Variants in TOGARAM1 observed in about 807,000 individuals in gnomAD.
TOGARAM1 encodes the protein TOG array regulator of axonemal microtubules 1, also known as TOG array regulator of axonemal microtubules protein 1.
In TOGARAM1, 100 loss-of-function variants were observed where a neutral mutation model predicts 166.6. The observed-to-expected ratio is 0.60, with a 90% CI of 0.51 to 0.71. The LOEUF (loss-of-function observed/expected upper bound fraction) is 0.71, where lower values mean the gene tolerates loss of function less well. Among genes scored for constraint, TOGARAM1 ranks in the 30% least tolerant of loss-of-function variants. The probability of loss-of-function intolerance (pLI) is 0.00; values close to 1 mark genes in which losing one functional copy is unlikely to be tolerated. For synonymous variants in TOGARAM1, 758 were observed against 763.8 expected (o/e 0.99, Z 0.13); for missense variants, 2,029 against 2,102.7 (o/e 0.96, Z 0.69).
intron 16 of TOGARAM1, among the ~76,000 whole-genome samples, chr14:45,058,200 T>A (rs542548057): frequency 1.2e-4 from 18 of 152,172 alleles, no homozygotes; most frequent in Non-Finnish European, 2.5e-4. Context: ...CATCCCTTCT[T>A]TGTCTTTTTT....
chr14:45,054,220 A>G (rs895650558), intron 15 of TOGARAM1, among the ~76,000 whole-genome samples: 2 of 152,156 alleles, frequency 1.3e-5, no homozygotes, highest in African/African-American at 4.8e-5. Context: ...TTACAAGTCA[A>G]TATATATTTT....
chr14:44,985,736 G>C (rs1402368529), intron 1 of TOGARAM1, among the ~76,000 whole-genome samples: 1 of 152,240 alleles, frequency 6.6e-6, no homozygotes, highest in Non-Finnish European at 1.5e-5. Flanking sequence ...ACCAGTAGCA[G>C]TCCATGGCCC....
chr14:45,051,553 C>CTTTTTTT (rs1015760925), intron 14 of TOGARAM1, among the ~76,000 whole-genome samples: 9 of 90,052 alleles, frequency 1.0e-4, no homozygotes, highest in African/African-American at 1.5e-4. Flanking sequence ...CCAACAGATG[C>CTTTTTTT]TTTTTTTTTT....
intron 14 of TOGARAM1, among the ~76,000 whole-genome samples, chr14:45,049,820 C>T (rs1164737811): frequency 6.6e-6 from 1 of 151,952 alleles, no homozygotes; most frequent in Non-Finnish European, 1.5e-5. Flanking sequence ...TTTTCTCCCT[C>T]TCTATCACCT....
At chr14:45,032,402 A>T in intron 11 of TOGARAM1, 26 bp downstream of exon 11, 1 of 1,590,596 alleles carries the variant, frequency 6.3e-7, no homozygotes, top group Non-Finnish European at 8.5e-7. Flanking sequence ...TTAACTTAAA[A>T]CTAAGCAGAG....
chr14:44,983,738 C>T (rs573959800), intron 1 of TOGARAM1, among the ~76,000 whole-genome samples: 1 of 152,094 alleles, frequency 6.6e-6, no homozygotes, highest in East Asian at 1.9e-4. Flanking sequence ...TGAGATTTTC[C>T]TTGGATGTTG....
intron 1 of TOGARAM1, among the ~76,000 whole-genome samples, chr14:44,994,437 G>A (rs1228603614): frequency 6.6e-6 from 1 of 151,790 alleles, no homozygotes; most frequent in African/African-American, 2.4e-5. Context: ...TCTTTTTTTT[G>A]AGACAGGGTC....
chr14:44,973,578 TTC>T (rs369605488), intron 1 of TOGARAM1, among the ~76,000 whole-genome samples: 15,949 of 148,174 alleles, frequency 0.11, 1,201 homozygotes, highest in African/African-American at 0.22. Flanking sequence ...CCAGTGTACT[TTC>T]TCTCTCTCTC....
intron 1 of TOGARAM1, among the ~76,000 whole-genome samples, chr14:44,977,525 A>G (rs529979514): frequency 6.6e-6 from 1 of 151,482 alleles, no homozygotes; most frequent in East Asian, 2.0e-4. Flanking sequence ...CGTGAGCCAC[A>G]GCACCCGGCC....
intron 1 of TOGARAM1, among the ~76,000 whole-genome samples, chr14:44,976,856 T>C (rs1235830349): frequency 6.6e-6 from 1 of 152,208 alleles, no homozygotes; most frequent in Non-Finnish European, 1.5e-5. Flanking sequence ...CCTTCAGAAA[T>C]AGTTTCGATG....
At chr14:44,970,290 T>C (rs907195137) in intron 1 of TOGARAM1, among the ~76,000 whole-genome samples, 4 of 152,244 alleles carry the variant, frequency 2.6e-5, no homozygotes. Context: ...ATCCTACTTC[T>C]GTATGTTAAT....
intron 1 of TOGARAM1, among the ~76,000 whole-genome samples, chr14:44,991,298 A>C (rs1566614354): frequency 6.6e-6 from 1 of 151,860 alleles, no homozygotes; most frequent in African/African-American, 2.4e-5. Flanking sequence ...TTAGCTATGT[A>C]GCATATGTGA....
At chr14:45,040,622 C>T (rs150268906) in intron 11 of TOGARAM1, among the ~76,000 whole-genome samples, 9 of 152,302 alleles carry the variant, frequency 5.9e-5, no homozygotes, top group Non-Finnish European at 1.3e-4. Flanking sequence ...ACTGATCATA[C>T]AGCTGTTAAA....
At chr14:45,049,382 C>T (rs10139121) in intron 14 of TOGARAM1, among the ~76,000 whole-genome samples, 7,052 of 152,074 alleles carry the variant, frequency 0.046, 531 homozygotes, top group African/African-American at 0.16. Flanking sequence ...GCCTCAGCCT[C>T]CTGAGTAGCT....
intron 11 of TOGARAM1, among the ~76,000 whole-genome samples, chr14:45,034,133 G>A (rs1261905230): frequency 6.6e-6 from 1 of 152,116 alleles, no homozygotes; most frequent in Non-Finnish European, 1.5e-5. Flanking sequence ...CTCCAGCCTG[G>A]GTGACAGAGT....
At chr14:45,008,825 A>C in intron 5 of TOGARAM1, 88 bp from the exon 6 acceptor site, 26 of 892,926 alleles carry the variant, frequency 2.9e-5, no homozygotes, top group Non-Finnish European at 4.2e-5. Context: ...TTAGCTAGGT[A>C]TAGCTAATGG....
At chr14:45,028,631 G>A (rs1594671621) in intron 10 of TOGARAM1, among the ~76,000 whole-genome samples, 1 of 152,270 alleles carries the variant, frequency 6.6e-6, no homozygotes, top group East Asian at 1.9e-4. Context: ...CTGAGATGGT[G>A]ATTCTGGTTT....
Position 45,054,484 on chromosome 14 carries a change from T to C in TOGARAM1, c.4494T>C (p.His1498=). 3.7e-6 allele frequency: 6 copies of C among 1,613,704 alleles called. No homozygotes were observed. Among genetic ancestry groups the C allele is most frequent in the Non-Finnish European group, 5.1e-6 (6 of 1,179,792 alleles). The change falls in exon 16 of 20, where the codon CAT becomes CAC. Residue 1498 remains histidine, a synonymous_variant. Transcript: ENST00000361462. The part of the protein sequence containing the change: ...DTPSAKGRRS[H]TGSVGNTRSS... ...CTTCAGCAAAAGGAAGACGATCTCA[T>C]ACTGGCAGTGTTGGAAATACAAGAT...
At chr14:44,975,763 G>A (rs897536892) in intron 1 of TOGARAM1, among the ~76,000 whole-genome samples, 4 of 149,572 alleles carry the variant, frequency 2.7e-5, no homozygotes, top group Non-Finnish European at 5.9e-5. Flanking sequence ...CATCATGCCC[G>A]GCTTCCCCTG....
Sources: gnomAD v4.1 joint callset for allele counts (sites outside exome capture counted in the v4.1 genomes callset) on GRCh38, gnomAD v4.1.1 for gene constraint, MANE v1.5 for transcripts, NCBI Gene and HGNC (gene_info 2026-07-23, HGNC 2026-07-21) for gene names.